The following KCNG2 variants were observed in gnomAD, a reference collection of about 807,000 sequenced individuals.
KCNG2 encodes voltage-gated potassium channel regulatory subunit KCNG2.
Under a neutral mutation model 12.3 loss-of-function variants are expected in KCNG2, and 7 were observed. The observed-to-expected ratio is 0.57, with a 90% CI of 0.32 to 1.07. KCNG2 has a LOEUF of 1.07. KCNG2 is among the 50% of genes least tolerant of loss of function. The pLI is 0.04. For synonymous variants in KCNG2, 414 were observed against 351.4 expected, an observed-to-expected ratio of 1.18 and a Z score of -1.99; for missense variants, 703 against 726.0, an observed-to-expected ratio of 0.97 and a Z score of 0.36.
chr18:79,828,754 T>C (rs1381001689), intron 1 of KCNG2, among the ~76,000 whole-genome samples: 2 of 147,784 alleles, frequency 1.4e-5, no homozygotes, highest in Non-Finnish European at 3.0e-5. Flanking sequence ...TGTGTGGGTG[T>C]CTATGTGTGC....
intron 3 of KCNG2, among the ~76,000 whole-genome samples, chr18:79,870,733 G>T (rs1401438337): frequency 2.0e-5 from 3 of 152,208 alleles, no homozygotes; most frequent in Non-Finnish European, 2.9e-5. Flanking sequence ...ATTAGTTATA[G>T]ATTTCATGAC....
At chr18:79,818,807 TTA>T (rs2087549112) in intron 1 of KCNG2, among the ~76,000 whole-genome samples, 1 of 151,996 alleles carries the variant, frequency 6.6e-6, no homozygotes, top group Non-Finnish European at 1.5e-5. Flanking sequence ...TGGGGCTGCT[TTA>T]GGGGAGACTC....
intron 1 of KCNG2, among the ~76,000 whole-genome samples, chr18:79,828,942 C>T (rs1436665988): frequency 3.0e-5 from 3 of 98,610 alleles, no homozygotes; most frequent in African/African-American, 8.9e-5. Flanking sequence ...GTGTGTGTAA[C>T]GTGTCTGTGT....
chr18:79,828,986 CGTGT>C (rs1978288867), intron 1 of KCNG2, among the ~76,000 whole-genome samples: 1 of 104,086 alleles, frequency 9.6e-6, no homozygotes, highest in African/African-American at 3.7e-5. Context: ...TCTATGTGTG[CGTGT>C]GTGTAACATG....
At chr18:79,843,524 T>C (rs1978528365) in intron 1 of KCNG2, among the ~76,000 whole-genome samples, 1 of 152,200 alleles carries the variant, frequency 6.6e-6, no homozygotes, top group African/African-American at 2.4e-5. Context: ...GTATTAAAAA[T>C]AAGTATAGCT....
At chr18:79,806,396 C>G (rs936300733) in intron 1 of KCNG2, among the ~76,000 whole-genome samples, 3 of 152,106 alleles carry the variant, frequency 2.0e-5, no homozygotes, top group Non-Finnish European at 4.4e-5. Context: ...GGGCCATCAG[C>G]AAGCCCCCTG....
chr18:79,815,756 G>A (rs1021406163), intron 1 of KCNG2, among the ~76,000 whole-genome samples: 35 of 152,336 alleles, frequency 2.3e-4, no homozygotes, highest in African/African-American at 7.0e-4. Flanking sequence ...GCCCTTCAGC[G>A]TGAGTGTCCT....
At chr18:79,899,017 C>T (rs878883304) in intron 3 of KCNG2, 23 bp from the exon 4 acceptor site, 1 of 1,504,478 alleles carries the variant, frequency 6.6e-7, no homozygotes, top group Non-Finnish European at 8.8e-7. Flanking sequence ...GCGCCCCCAA[C>T]CCCGTGTCCC....
chr18:79,866,466 AGGTCTGGGTGCT>A, intron 3 of KCNG2, among the ~76,000 whole-genome samples: 1 of 78,604 alleles, frequency 1.3e-5, no homozygotes, highest in African/African-American at 5.3e-5. Flanking sequence ...GTGGGTGCTG[AGGTCTGGGTGCT>A]GAGGTCTGTG....
intron 3 of KCNG2, 30 bp from the exon 4 acceptor site, chr18:79,899,010 C>T: frequency 1.4e-6 from 2 of 1,480,912 alleles, no homozygotes; most frequent in Non-Finnish European, 9.0e-7. Flanking sequence ...GAGGCCTGCG[C>T]CCCCAACCCC....
chr18:79,825,755 T>C (rs980749554), intron 1 of KCNG2, among the ~76,000 whole-genome samples: 6 of 152,336 alleles, frequency 3.9e-5, no homozygotes, highest in African/African-American at 1.4e-4. Flanking sequence ...ATTAGAATCG[T>C]TTTTATTCCT....
intron 1 of KCNG2, among the ~76,000 whole-genome samples, chr18:79,809,499 CCGCG>C: frequency 5.1e-5 from 5 of 98,200 alleles, no homozygotes; most frequent in African/African-American, 1.9e-4. Context: ...GGCCCAGAGT[CCGCG>C]CTCTGAGGAG....
intron 3 of KCNG2, among the ~76,000 whole-genome samples, chr18:79,890,144 C>T (rs931001089): frequency 1.9e-4 from 29 of 152,132 alleles, no homozygotes; most frequent in South Asian, 2.1e-4. Context: ...AATCTTTTAA[C>T]ATCGGTATTC....
chr18:79,883,159 C>A (rs1316195997), intron 3 of KCNG2, among the ~76,000 whole-genome samples: 1 of 151,992 alleles, frequency 6.6e-6, no homozygotes, highest in African/African-American at 2.4e-5. Context: ...CTCGCAGGGC[C>A]TGACGCGGGA....
chr18:79,817,766 C>T (rs2087541100), intron 1 of KCNG2, among the ~76,000 whole-genome samples: 1 of 152,218 alleles, frequency 6.6e-6, no homozygotes. Flanking sequence ...TAGCCACAAC[C>T]TCCTGTGGCC....
chr18:79,845,737 C>CGT (rs1270555754), intron 1 of KCNG2, among the ~76,000 whole-genome samples: 1 of 152,120 alleles, frequency 6.6e-6, no homozygotes, highest in African/African-American at 2.4e-5. Context: ...ATTTTATACA[C>CGT]GTGTGTATTT....
intron 1 of KCNG2, among the ~76,000 whole-genome samples, chr18:79,841,028 G>A (rs1337600820): frequency 6.6e-6 from 1 of 152,220 alleles, no homozygotes; most frequent in African/African-American, 2.4e-5. Context: ...CAGCACTTCT[G>A]GAGGTTGAGG....
At chr18:79,877,549 C>G (rs1980123326) in intron 3 of KCNG2, among the ~76,000 whole-genome samples, 2 of 152,186 alleles carry the variant, frequency 1.3e-5, no homozygotes, top group South Asian at 4.1e-4. Flanking sequence ...ACCCAGCCTT[C>G]CCTGACCCCC....
At chr18:79,804,309 C>T (rs1003419373) in intron 1 of KCNG2, among the ~76,000 whole-genome samples, 5 of 152,248 alleles carry the variant, frequency 3.3e-5, no homozygotes, top group African/African-American at 1.2e-4. Flanking sequence ...TGCCCGTCAG[C>T]ACCCACTGAT....
Sources: allele counts gnomAD v4.1 joint callset (sites outside exome capture counted in the v4.1 genomes callset), GRCh38; gene constraint gnomAD v4.1.1; transcripts MANE v1.5; gene names NCBI Gene and HGNC (gene_info 2026-07-23, HGNC 2026-07-21).